Variants in ZNF329 observed in about 807,000 individuals in gnomAD.
The protein encoded by ZNF329 is zinc finger protein 329.
Under a neutral mutation model 26.6 loss-of-function variants are expected in ZNF329, and 15 were observed. That is an observed-to-expected ratio of 0.56 (90% CI 0.38 to 0.87). The LOEUF is 0.87. Among genes scored for constraint, ZNF329 ranks in the 40% least tolerant of loss-of-function variants. The pLI, the probability that ZNF329 is intolerant of heterozygous loss-of-function variation, is 0.00. For missense variants in ZNF329, 651 were observed against 651.9 expected (o/e 1.00, Z 0.02); for synonymous variants, 239 against 233.5 (o/e 1.02, Z -0.21).
intron 1 of ZNF329, among the ~76,000 whole-genome samples, chr19:58,144,550 G>A (rs1256565437): frequency 6.6e-6 from 1 of 151,844 alleles, no homozygotes; most frequent in African/African-American, 2.4e-5. Context: ...ACCACACTCG[G>A]CTAATTGTTT....
In ZNF329 at chr19:58,128,773, T is replaced by C. The variant is rs777242201; in HGVS notation, c.731A>G (p.Tyr244Cys). ...GATTCTTTGATGCACAATCAGGTTG[T>C]AGTTCTTGGAGAAGGACTTTCCACA... ...NECGKSFSKN[Y>C]NLIVHQRIHT... is the part of the protein sequence containing the mutation. The change falls in exon 4 of 4, where the codon TAC becomes TGC. Residue 244 changes from tyrosine to cysteine, a missense_variant. Coordinates refer to ENST00000598312, the MANE Select transcript of ZNF329 (RefSeq NM_024620.4). The C allele has an allele frequency of 2.5e-6, 4 of 1,601,670 alleles. No homozygotes were observed. Among genetic ancestry groups the C allele is most frequent in the Non-Finnish European group, 3.4e-6 (4 of 1,174,438 alleles).
rs1279663652 is a variant in ZNF329, at chr19:58,147,322, CCCGT to C, written c.-208+3426_-208+3429del. ...AGGAGCCCCTCCGCCAGGCAGCCGC[CCCGT>C]CTGAGAAGTGAGGAGCCCCTCCGCC... On this transcript the variant is annotated intron_variant, in intron 1 of 3. Transcript: ENST00000598312. 2.6e-5 allele frequency among the ~76,000 whole-genome samples: 4 copies of C among 151,328 alleles called. No homozygotes were observed. In the East Asian group the frequency reaches 5.9e-4, roughly 22 times the overall value.
rs766576176 is a variant in ZNF329 at position 58,128,050 on chromosome 19, C to T, written c.1454G>A (p.Cys485Tyr). ...CTTGAAGGACTTCCCACATTCTGGA[C>T]ACTGATATGGGGTCTCCTTAGTGTG... ...RIHTKETPYQ[C>Y]PECGKSFKQN... The change falls in exon 4 of 4, where the codon TGT becomes TAT. Residue 485 changes from cysteine (C) to tyrosine (Y), a missense_variant. Physicochemically the swap from Cys to Tyr is radical, Grantham distance 194. Transcript: ENST00000598312. 2 of 1,613,526 alleles carry T rather than the reference C, an allele frequency of 1.2e-6. No homozygotes were observed. The highest frequency in any genetic ancestry group is 1.7e-6 in the Non-Finnish European group (2 of 1,179,798).
At position 58,133,774 on chromosome 19, in the gene ZNF329, G is replaced by A. The variant is rs762673493; in HGVS notation, c.-8-4263C>T. Reference sequence around the variant, plus strand: ...AGCACTTTGGGAGGTCGAGGTGGGGGGATCACTTGAGCCCAGGCATTTATG... The same window carrying A: ...AGCACTTTGGGAGGTCGAGGTGGGGAGATCACTTGAGCCCAGGCATTTATG... On this transcript the variant is annotated intron_variant, in intron 3 of 3. Transcript: ENST00000598312. Among the ~76,000 whole-genome samples the A allele has an allele frequency of 1.6e-4, 24 of 152,078 alleles. 1 individual carries two copies. Among genetic ancestry groups the A allele is most frequent in the Non-Finnish European group, 2.6e-4 (18 of 67,994 alleles).
At chr19:58,153,248 T>G (rs2075488420), upstream of ZNF329, among the ~76,000 whole-genome samples, 1 of 152,166 alleles carries the variant, frequency 6.6e-6, no homozygotes, top group Non-Finnish European at 1.5e-5. Context: ...TAGCTGGGAT[T>G]ACATGCGCAC....
intron 3 of ZNF329, among the ~76,000 whole-genome samples, chr19:58,139,347 G>A (rs911933714): frequency 1.3e-5 from 2 of 152,164 alleles, no homozygotes; most frequent in African/African-American, 2.4e-5. Context: ...AGAAATGGGC[G>A]AAGGATCTTG....
chr19:58,145,905 G>A (rs961665521), intron 1 of ZNF329, among the ~76,000 whole-genome samples: 1 of 150,254 alleles, frequency 6.7e-6, no homozygotes, highest in Non-Finnish European at 1.5e-5. Flanking sequence ...TGCCAAAGAC[G>A]AGAGTCTGAA....
intron 1 of ZNF329, among the ~76,000 whole-genome samples, chr19:58,145,603 C>T (rs376108607): frequency 2.6e-5 from 4 of 151,798 alleles, no homozygotes; most frequent in South Asian, 2.1e-4. Flanking sequence ...ATTATAGGCG[C>T]GAGCCACTGC....
intron 3 of ZNF329, among the ~76,000 whole-genome samples, chr19:58,131,446 G>C (rs1203508612): frequency 1.3e-5 from 2 of 152,014 alleles, no homozygotes; most frequent in Non-Finnish European, 2.9e-5. Context: ...ATAAAAAACA[G>C]ACAAGGATTA....
At chr19:58,148,255 G>A (rs528225898) in intron 1 of ZNF329, among the ~76,000 whole-genome samples, 6 of 142,724 alleles carry the variant, frequency 4.2e-5, no homozygotes, top group South Asian at 2.1e-4. Context: ...CAAACACTGC[G>A]CGGAAGGCCG....
At chr19:58,147,937 T>C (rs911723577) in intron 1 of ZNF329, among the ~76,000 whole-genome samples, 3 of 151,556 alleles carry the variant, frequency 2.0e-5, no homozygotes, top group African/African-American at 7.3e-5. Flanking sequence ...ACAATGGCGG[T>C]TTTGTGGAAT....
chr19:58,147,788 A>ACCCGGC, intron 1 of ZNF329, among the ~76,000 whole-genome samples: 1 of 52,630 alleles, frequency 1.9e-5, no homozygotes, highest in South Asian at 6.7e-4. Flanking sequence ...CAGCCCCCCC[A>ACCCGGC]CCCGGCCAGC....
rs935533438 is a variant in ZNF329 at position 58,127,012 on chromosome 19, C to T, written c.*866G>A. 2 of 152,184 alleles carry T rather than the reference C, an allele frequency of 1.3e-5. No individual in the cohort carries two copies. The highest frequency in any genetic ancestry group is 2.9e-5 in the Non-Finnish European group (2 of 68,052). 9.4% of individuals were successfully genotyped at this position (152,184 alleles called of 1,614,324 possible). A position where few individuals can be genotyped will look rare whatever the true frequency, so the allele number is the denominator to read the frequency against. On this transcript the variant is annotated 3_prime_UTR_variant, in exon 4 of 4. Transcript: ENST00000598312. ...GTTCATTCACAGGTAATTTATTCAC[C>T]TAGTTTGCCCTCCTGCAACGAGTCC...
intron 1 of ZNF329, among the ~76,000 whole-genome samples, chr19:58,148,173 TA>T (rs1486405557): frequency 1.3e-5 from 2 of 151,826 alleles, no homozygotes; most frequent in African/African-American, 4.9e-5. Flanking sequence ...TGTGCTTTGT[TA>T]AACAGATGCT....
Position 58,128,576 on chromosome 19 carries a change from T to A in ZNF329, c.928A>T (p.Thr310Ser). Residue 310 changes from threonine to serine, a missense_variant, in exon 4 of 4, where the codon ACA (threonine) becomes TCA (serine). Thr to Ser is a moderately conservative substitution (Grantham distance 58, BLOSUM62 1). Coordinates refer to ENST00000598312, the MANE Select transcript of ZNF329 (RefSeq NM_024620.4). ...SSLILHQRTHTGEKPYRCNEC... is the reference protein window; with the variant it reads ...SSLILHQRTHSGEKPYRCNEC... ...TTACATCTATATGGTTTTTCCCCTG[T>A]ATGAGTTCTTTGGTGCAAAATTAAG... The A allele has an allele frequency of 6.2e-7, 1 of 1,613,866 alleles. No individual in the cohort carries two copies. Among genetic ancestry groups the A allele is most frequent in the Non-Finnish European group, 8.5e-7 (1 of 1,179,878 alleles).
upstream of ZNF329, chr19:58,154,738 G>T (rs529873768): frequency 1.3e-5 from 2 of 152,406 alleles, no homozygotes; most frequent in Non-Finnish European, 2.9e-5. Flanking sequence ...CCGTCACCTG[G>T]CCAGGTGTCC....
At chr19:58,147,568 G>A (rs2075349031) in intron 1 of ZNF329, among the ~76,000 whole-genome samples, 1 of 141,386 alleles carries the variant, frequency 7.1e-6, no homozygotes. Flanking sequence ...CCCCCGCCCG[G>A]CCAGCCGCCC....
intron 3 of ZNF329, among the ~76,000 whole-genome samples, chr19:58,142,298 G>A (rs1437715859): frequency 3.3e-5 from 5 of 152,186 alleles, no homozygotes; most frequent in African/African-American, 2.4e-5. Context: ...AAGATTGACT[G>A]TGGCAATGGA....
chr19:58,128,426 G>T lies in ZNF329; in HGVS notation c.1078C>A (p.Gln360Lys). ...KAFRDGSYLTQHERTHTGEKP... is the reference protein window; with the variant it reads ...KAFRDGSYLTKHERTHTGEKP... ...TCTCCAGTGTGAGTCCTCTCATGCT[G>T]GGTGAGGTACGAGCCGTCCCGGAAA... Residue 360 changes from glutamine to lysine, a missense_variant, in exon 4 of 4, where the codon CAG (glutamine) becomes AAG (lysine). Physicochemically the swap from Gln to Lys is moderately conservative, Grantham distance 53 (BLOSUM62 1). Coordinates refer to ENST00000598312, the MANE Select transcript of ZNF329 (RefSeq NM_024620.4). The T allele has an allele frequency of 4.3e-6, 7 of 1,613,542 alleles. No homozygotes were observed. The highest frequency in any genetic ancestry group is 5.9e-6 in the Non-Finnish European group (7 of 1,179,876).
Sources: gnomAD v4.1 joint callset for allele counts (sites outside exome capture counted in the v4.1 genomes callset) on GRCh38, gnomAD v4.1.1 for gene constraint, MANE v1.5 for transcripts, NCBI Gene and HGNC (gene_info 2026-07-23, HGNC 2026-07-21) for gene names.